FSCN1: variants seen among roughly 807,000 people sequenced by gnomAD.
FSCN1 encodes fascin.
Under a neutral mutation model 39.7 loss-of-function variants are expected in FSCN1, and 10 were observed. That is an observed-to-expected ratio of 0.25 (90% CI 0.16 to 0.43). The LOEUF (loss-of-function observed/expected upper bound fraction) is 0.43. Ranked by LOEUF, FSCN1 falls within the 20% of genes least tolerant of loss-of-function variation. The pLI, the probability that FSCN1 is intolerant of heterozygous loss-of-function variation, is 1.00. For synonymous variants in FSCN1, 322 were observed against 320.0 expected (o/e 1.01, Z -0.07); for missense variants, 525 against 723.8 (o/e 0.73, Z 3.15).
chr7:5,597,512 C>G (rs963990578), intron 1 of FSCN1, among the ~76,000 whole-genome samples: 3 of 151,656 alleles, frequency 2.0e-5, no homozygotes, highest in Non-Finnish European at 4.4e-5. Flanking sequence ...ACTAAAAACA[C>G]AAAAATTAGC....
chr7:5,593,030 A>C lies in FSCN1; in HGVS notation c.94A>C (p.Lys32Gln). The change falls in exon 1 of 5, where the codon AAG becomes CAG. Residue 32 changes from lysine (K) to glutamine (Q), a missense_variant. By Grantham distance (53) the Lys-to-Gln change is moderately conservative. Transcript: ENST00000382361. Reference sequence around the variant, plus strand: ...CCTGACGGCCGAGGCGTTCGGGTTCAAGGTGAACGCGTCCGCCAGCAGCCT... The same window carrying C: ...CCTGACGGCCGAGGCGTTCGGGTTCCAGGTGAACGCGTCCGCCAGCAGCCT... Reference protein sequence around the residue: ...KYLTAEAFGFKVNASASSLKK... With the variant: ...KYLTAEAFGFQVNASASSLKK... 6.3e-7 allele frequency: 1 copy of C among 1,598,784 alleles called. No homozygotes were observed. The highest frequency in any genetic ancestry group is 8.5e-7 in the Non-Finnish European group (1 of 1,173,302).
rs1345326223 is a variant in FSCN1, at chr7:5,603,232, C to A, written c.833-25C>A. The A allele has an allele frequency of 6.2e-7, 1 of 1,610,750 alleles. No individual in the cohort carries two copies. The highest frequency in any genetic ancestry group is 1.7e-5 in the Admixed American group (1 of 60,006). On this transcript the variant is annotated intron_variant, in intron 1 of 4. Transcript: ENST00000382361. The surrounding 1 kb of genome is among the most constrained non-coding windows in gnomAD (Gnocchi z 8.5). ...AACTAGGGGGCGTGGGGCCCCAGTA[C>A]CAGCCCAAGGCCTCCTCTCTGCAGG... is the stretch of plus-strand genomic sequence containing the variant.
chr7:5,595,616 GTGC>G (rs1785716602), intron 1 of FSCN1, among the ~76,000 whole-genome samples: 1 of 152,220 alleles, frequency 6.6e-6, no homozygotes, highest in Non-Finnish European at 1.5e-5. Context: ...TATGGGGGGG[GTGC>G]TGTGTGGACC....
At position 5,605,761 on chromosome 7, in the gene FSCN1, C is replaced by G. The variant is rs1227828796; in HGVS notation, c.*287C>G. On this transcript the variant is annotated 3_prime_UTR_variant, in exon 5 of 5. Coordinates refer to ENST00000382361, the MANE Select transcript of FSCN1 (RefSeq NM_003088.4). This position sits in a 1 kb window ranked among gnomAD's most constrained non-coding sequence, Gnocchi z 6.9. Reference sequence around the variant, plus strand: ...CTGCCACGGGGCGAGTCTGGCACCTCTTTCTTCTGACCTCAGACGGCTCTG... The same window carrying G: ...CTGCCACGGGGCGAGTCTGGCACCTGTTTCTTCTGACCTCAGACGGCTCTG... 7.6e-6 allele frequency: 3 copies of G among 396,866 alleles called. No homozygotes were observed. The highest frequency in any genetic ancestry group is 1.4e-5 in the Non-Finnish European group (3 of 218,962). The allele number at this position is 396,866 out of a possible 1,614,324, so 24.6% of individuals were successfully genotyped here.
In FSCN1 at chr7:5,603,214, G is replaced by A; in HGVS notation, c.833-43G>A. 2 of 1,607,170 alleles carry A rather than the reference G, an allele frequency of 1.2e-6. No homozygotes were observed. Among genetic ancestry groups the A allele is most frequent in the Non-Finnish European group, 1.7e-6 (2 of 1,177,934 alleles). ...AGGGCTATGGTCTGCCAGAACTAGGGGGCGTGGGGCCCCAGTACCAGCCCA... is the reference window on the plus strand; with the variant it reads ...AGGGCTATGGTCTGCCAGAACTAGGAGGCGTGGGGCCCCAGTACCAGCCCA... On this transcript the variant is annotated intron_variant, in intron 1 of 4. Transcript: ENST00000382361. This position sits in a 1 kb window ranked among gnomAD's most constrained non-coding sequence, Gnocchi z 8.5.
intron 1 of FSCN1, among the ~76,000 whole-genome samples, chr7:5,596,609 T>C (rs1164864361): frequency 6.6e-6 from 1 of 151,734 alleles, no homozygotes; most frequent in East Asian, 1.9e-4. Context: ...ATCTCTCACA[T>C]CTGGGAGTCC....
intron 1 of FSCN1, among the ~76,000 whole-genome samples, chr7:5,598,335 A>G (rs1437403706): frequency 6.6e-6 from 1 of 152,188 alleles, no homozygotes; most frequent in Non-Finnish European, 1.5e-5. Flanking sequence ...AGATGGCGGC[A>G]GTTGTGTGGC....
At chr7:5,597,857 G>A (rs181841540) in intron 1 of FSCN1, among the ~76,000 whole-genome samples, 9 of 152,132 alleles carry the variant, frequency 5.9e-5, no homozygotes, top group Admixed American at 4.6e-4. Flanking sequence ...AGAGGTACCC[G>A]TGGGCCCGGC....
chr7:5,595,195 G>A (rs192675624), intron 1 of FSCN1, among the ~76,000 whole-genome samples: 1 of 152,224 alleles, frequency 6.6e-6, no homozygotes, highest in Non-Finnish European at 1.5e-5. Context: ...TGCAGGAGGG[G>A]GAAAGACCCC....
intron 1 of FSCN1, among the ~76,000 whole-genome samples, chr7:5,598,370 G>A (rs1029544152): frequency 6.6e-6 from 1 of 152,240 alleles, no homozygotes; most frequent in African/African-American, 2.4e-5. Context: ...TGGCTGGGAA[G>A]CTCCCTTTCT....
chr7:5,600,193 C>G (rs1785800021), intron 1 of FSCN1, among the ~76,000 whole-genome samples: 1 of 152,106 alleles, frequency 6.6e-6, no homozygotes, highest in African/African-American at 2.4e-5. Context: ...GGGTGGATCA[C>G]CTGAGGTCAG....
chr7:5,604,141 GCCATTCCAGGC>G, intron 4 of FSCN1, 111 bp downstream of exon 4: 2 of 967,716 alleles, frequency 2.1e-6, no homozygotes, highest in Non-Finnish European at 3.1e-6. Flanking sequence ...TTGGCTCAGG[GCCATTCCAGGC>G]CCTAAAGGGA....
At chr7:5,596,638 T>C (rs1785735303) in intron 1 of FSCN1, among the ~76,000 whole-genome samples, 1 of 152,174 alleles carries the variant, frequency 6.6e-6, no homozygotes, top group African/African-American at 2.4e-5. Context: ...CAGCCTGTGC[T>C]TGCATCTGGG....
chr7:5,597,843 A>C (rs1383698213), intron 1 of FSCN1, among the ~76,000 whole-genome samples: 1 of 151,536 alleles, frequency 6.6e-6, no homozygotes, highest in Non-Finnish European at 1.5e-5. Flanking sequence ...TGGAAGGAGG[A>C]GGGAGAGGTA....
At position 5,599,499 on chromosome 7, in the gene FSCN1, A is replaced by T. The variant is rs1785789367; in HGVS notation, c.833-3758A>T. Among the ~76,000 whole-genome samples, 1 of 152,138 alleles carries T rather than the reference A, an allele frequency of 6.6e-6. No homozygotes were observed. The highest frequency in any genetic ancestry group is 1.5e-5 in the Non-Finnish European group (1 of 68,020). The stretch of plus-strand genomic sequence containing the variant: ...ACCTGTGGAGCAGATGTGGGGCTGC[A>T]TGGTTGGGTCAGGATGGAACAGGAT... On this transcript the variant is annotated intron_variant, in intron 1 of 4. Coordinates refer to ENST00000382361, the MANE Select transcript of FSCN1 (RefSeq NM_003088.4). This position sits in a 1 kb window ranked among gnomAD's most constrained non-coding sequence, Gnocchi z 5.6.
chr7:5,593,260 C>G lies in FSCN1; in HGVS notation c.324C>G (p.His108Gln), dbSNP rs746546231. The G allele has an allele frequency of 1.9e-6, 3 of 1,609,400 alleles. No homozygotes were observed. Among genetic ancestry groups the G allele is most frequent in the Non-Finnish European group, 2.5e-6 (3 of 1,178,942 alleles). Residue 108 changes from histidine (H) to glutamine (Q), a missense_variant, in exon 1 of 5, where the codon CAC (histidine) becomes CAG (glutamine). Coordinates refer to ENST00000382361, the MANE Select transcript of FSCN1 (RefSeq NM_003088.4). Reference sequence around the variant, plus strand: ...GCTGGTCGCTGCAGTCCGAGGCGCACCGGCGCTACTTCGGCGGCACCGAGG... The same window carrying G: ...GCTGGTCGCTGCAGTCCGAGGCGCAGCGGCGCTACTTCGGCGGCACCGAGG... ...DGRWSLQSEA[H>Q]RRYFGGTEDR...
In FSCN1 at chr7:5,605,063, G is replaced by T. The variant is rs1341824717; in HGVS notation, c.1280-209G>T. 6.6e-6 allele frequency among the ~76,000 whole-genome samples: 1 copy of T among 152,064 alleles called. No homozygotes were observed. Among genetic ancestry groups the T allele is most frequent in the African/African-American group, 2.4e-5 (1 of 41,418 alleles). On this transcript the variant is annotated intron_variant, in intron 4 of 4. Coordinates refer to ENST00000382361, the MANE Select transcript of FSCN1 (RefSeq NM_003088.4). This position sits in a 1 kb window ranked among gnomAD's most constrained non-coding sequence, Gnocchi z 6.9. ...GCTGGGATTACAGGCGTGAGCCACTGCGGCCGAGCAGAACACGTTCTAGGA... is the reference window on the plus strand; with the variant it reads ...GCTGGGATTACAGGCGTGAGCCACTTCGGCCGAGCAGAACACGTTCTAGGA...
Position 5,603,840 on chromosome 7 carries a change from T to C in FSCN1, c.1112-23T>C, listed in dbSNP as rs932155337. 2 of 1,607,346 alleles carry C rather than the reference T, an allele frequency of 1.2e-6. No homozygotes were observed. Among genetic ancestry groups the C allele is most frequent in the African/African-American group, 2.7e-5 (2 of 74,838 alleles). On this transcript the variant is annotated intron_variant, in intron 3 of 4. Coordinates refer to ENST00000382361, the MANE Select transcript of FSCN1 (RefSeq NM_003088.4). This position sits in a 1 kb window ranked among gnomAD's most constrained non-coding sequence, Gnocchi z 8.5. The stretch of plus-strand genomic sequence containing the variant: ...CCCCACTCCCTGCCAGGAGGCTCAC[T>C]GACTCCCCTCTTTCTGGGACAGGGG...
At position 5,605,213 on chromosome 7, in the gene FSCN1, C is replaced by A; in HGVS notation, c.1280-59C>A. On this transcript the variant is annotated intron_variant, in intron 4 of 4. Coordinates refer to ENST00000382361, the MANE Select transcript of FSCN1 (RefSeq NM_003088.4). This position sits in a 1 kb window ranked among gnomAD's most constrained non-coding sequence, Gnocchi z 6.9. Reference sequence around the variant, plus strand: ...GAACACCCGTGCCCACCCTCCGCTGCCCAGGGTAGGGGTGGGGAGCCAGGC... The same window carrying A: ...GAACACCCGTGCCCACCCTCCGCTGACCAGGGTAGGGGTGGGGAGCCAGGC... 7.4e-7 allele frequency: 1 copy of A among 1,351,472 alleles called. No homozygotes were observed. Among genetic ancestry groups the A allele is most frequent in the Non-Finnish European group, 1.1e-6 (1 of 949,032 alleles). 83.7% of individuals were successfully genotyped at this position (1,351,472 alleles called of 1,614,324 possible).
Sources: gnomAD v4.1 joint callset for allele counts (sites outside exome capture counted in the v4.1 genomes callset) on GRCh38, gnomAD v4.1.1 for gene constraint, Gnocchi (gnomAD v3.1) non-coding constraint, MANE v1.5 for transcripts, NCBI Gene and HGNC (gene_info 2026-07-23, HGNC 2026-07-21) for gene names.